Variants in PSMD14 observed in about 807,000 individuals in gnomAD.
The protein encoded by PSMD14 is proteasome 26S subunit, non-ATPase 14.
A neutral mutation model predicts 41.2 loss-of-function variants in PSMD14; 7 were observed. That is an observed-to-expected ratio of 0.17 (90% CI 0.10 to 0.32). The LOEUF is 0.32. PSMD14 is among the 10% of genes least tolerant of loss of function. The pLI is 1.00. For synonymous variants in PSMD14, 114 were observed against 122.3 expected, an observed-to-expected ratio of 0.93 and a Z score of 0.45; for missense variants, 139 against 375.6, an observed-to-expected ratio of 0.37 and a Z score of 5.21.
rs1291061341 is a variant in PSMD14, at chr2:161,327,977, TGTGTGTGA to T, written c.48+9106_48+9113del. On this transcript the variant is annotated intron_variant, in intron 3 of 11. Transcript: ENST00000409682. ...GTGTGTGTGTGTGTGTGTGTGTGTGTGTGTGTGAGATGTTGGTTAGGAATTATAGCTCA... is the reference window on the plus strand; with the variant it reads ...GTGTGTGTGTGTGTGTGTGTGTGTGTGATGTTGGTTAGGAATTATAGCTCA... Among the ~76,000 whole-genome samples, 5 of 148,540 alleles carry T rather than the reference TGTGTGTGA, an allele frequency of 3.4e-5. No individual in the cohort carries two copies. The East Asian group carries it at 5.9e-4, about 18-fold the overall frequency.
rs536735733 is a variant in PSMD14 at position 161,359,935 on chromosome 2, T to C, written c.49-7543T>C. ...TGTATATTTGATTACCTCACAAGCTTCTCGAAGCTTTTGTTTAACCACACA... is the reference window on the plus strand; with the variant it reads ...TGTATATTTGATTACCTCACAAGCTCCTCGAAGCTTTTGTTTAACCACACA... On this transcript the variant is annotated intron_variant, in intron 3 of 11. Coordinates refer to ENST00000409682, the MANE Select transcript of PSMD14 (RefSeq NM_005805.6). 2.6e-5 allele frequency among the ~76,000 whole-genome samples: 4 copies of C among 152,314 alleles called. No homozygotes were observed. In the South Asian group the frequency reaches 6.2e-4, roughly 24 times the overall value.
At chr2:161,354,143 G>A (rs1683159139) in intron 3 of PSMD14, among the ~76,000 whole-genome samples, 1 of 151,894 alleles carries the variant, frequency 6.6e-6, no homozygotes, top group Admixed American at 6.6e-5. Context: ...CTTGATTCTG[G>A]GCCCCTCTTT....
chr2:161,334,995 A>G (rs890914422), intron 3 of PSMD14, among the ~76,000 whole-genome samples: 6 of 152,262 alleles, frequency 3.9e-5, no homozygotes, highest in Non-Finnish European at 8.8e-5. Context: ...GGTCAGCAGT[A>G]TTTCTAGGAA....
intron 3 of PSMD14, chr2:161,319,157 A>AT (rs1689175800): frequency 3.4e-6 from 1 of 295,124 alleles, no homozygotes. Context: ...AGGAAAAAAA[A>AT]ACCCTCAAAA....
chr2:161,405,644 C>T (rs999309888), intron 10 of PSMD14, among the ~76,000 whole-genome samples: 2 of 151,956 alleles, frequency 1.3e-5, no homozygotes, highest in African/African-American at 4.8e-5. Flanking sequence ...TTTATATAGT[C>T]AATACTTTAA....
intron 3 of PSMD14, among the ~76,000 whole-genome samples, chr2:161,322,368 A>G (rs1257434031): frequency 6.6e-6 from 1 of 152,042 alleles, no homozygotes; most frequent in East Asian, 1.9e-4. Flanking sequence ...GCTTTGCTCT[A>G]TATGCTAATT....
intron 3 of PSMD14, among the ~76,000 whole-genome samples, chr2:161,332,206 A>G (rs1207932292): frequency 6.6e-6 from 1 of 152,210 alleles, no homozygotes; most frequent in Non-Finnish European, 1.5e-5. Context: ...GGAATTTGTG[A>G]ATATTTCATT....
At position 161,318,837 on chromosome 2, in the gene PSMD14, T is replaced by C; in HGVS notation, c.12T>C (p.Leu4=). The C allele has an allele frequency of 6.2e-7, 1 of 1,613,028 alleles. No homozygotes were observed. Among genetic ancestry groups the C allele is most frequent in the South Asian group, 1.1e-5 (1 of 90,998 alleles). The part of the protein sequence containing the change: MDR[L]LRLGGGMPGL... ...TGTTTTCTAGAAATATGGACAGACT[T>C]CTTAGACTTGGAGGAGGTATGCCTG... is the stretch of plus-strand genomic sequence containing the variant. Residue 4 remains leucine (L), a synonymous_variant, in exon 3 of 12, where the codon CTT becomes CTC. Coordinates refer to ENST00000409682, the MANE Select transcript of PSMD14 (RefSeq NM_005805.6).
chr2:161,318,910 A>T (rs1689173672), intron 3 of PSMD14, 37 bp downstream of exon 3: 1 of 1,553,736 alleles, frequency 6.4e-7, no homozygotes, highest in Non-Finnish European at 8.8e-7. Flanking sequence ...CCTTGTGTGT[A>T]AACTACAAGC....
At chr2:161,362,054 G>A (rs1333222060) in intron 3 of PSMD14, among the ~76,000 whole-genome samples, 1 of 151,838 alleles carries the variant, frequency 6.6e-6, no homozygotes, top group Non-Finnish European at 1.5e-5. Flanking sequence ...TGTGTACATT[G>A]CTTTTTAATT....
chr2:161,376,293 C>A (rs901427831), intron 7 of PSMD14, among the ~76,000 whole-genome samples: 1 of 151,450 alleles, frequency 6.6e-6, no homozygotes, highest in Non-Finnish European at 1.5e-5. Flanking sequence ...AATCTTAGTA[C>A]CTATTTCATA....
intron 1 of PSMD14, among the ~76,000 whole-genome samples, chr2:161,309,263 C>T (rs1689060536): frequency 6.6e-6 from 1 of 152,034 alleles, no homozygotes; most frequent in Non-Finnish European, 1.5e-5. Flanking sequence ...CTTAATTTTC[C>T]TGGGGATGTA....
chr2:161,309,154 A>T (rs1689059191), intron 1 of PSMD14, among the ~76,000 whole-genome samples: 1 of 152,226 alleles, frequency 6.6e-6, no homozygotes, highest in Non-Finnish European at 1.5e-5. Context: ...CTGTTAACTT[A>T]CTTTCAATAT....
At chr2:161,318,326 A>G (rs77276341) in intron 2 of PSMD14, among the ~76,000 whole-genome samples, 8,792 of 152,182 alleles carry the variant, frequency 0.058, 361 homozygotes, top group Non-Finnish European at 0.079. Flanking sequence ...TCTGCTCACA[A>G]TGTCTTTCAC....
At chr2:161,368,841 A>T (rs892209229) in intron 5 of PSMD14, among the ~76,000 whole-genome samples, 2 of 151,162 alleles carry the variant, frequency 1.3e-5, no homozygotes, top group African/African-American at 2.4e-5. Flanking sequence ...TAATATATAT[A>T]GTATGTATAT....
rs547053133 is a variant in PSMD14, at chr2:161,313,462, A to G, written c.-137-2975A>G. Among the ~76,000 whole-genome samples, 424 of 152,064 alleles carry G rather than the reference A, an allele frequency of 2.8e-3. 1 individual carries two copies. The highest frequency in any genetic ancestry group is 5.0e-3 in the Non-Finnish European group (341 of 67,962). ...CCTCCTGGGTTCAAGTGGTCCTCCT[A>G]CCTCAGCCTCCCCAGTAGCTGGGAT... On this transcript the variant is annotated intron_variant, in intron 1 of 11. Coordinates refer to ENST00000409682, the MANE Select transcript of PSMD14 (RefSeq NM_005805.6).
chr2:161,376,831 G>C (rs1683509397), intron 7 of PSMD14, among the ~76,000 whole-genome samples: 1 of 151,860 alleles, frequency 6.6e-6, no homozygotes, highest in Admixed American at 6.6e-5. Flanking sequence ...CGTTGCAATA[G>C]TTTTTTAATA....
At position 161,323,334 on chromosome 2, in the gene PSMD14, C is replaced by G. The variant is rs187212443; in HGVS notation, c.48+4461C>G. On this transcript the variant is annotated intron_variant, in intron 3 of 11. Coordinates refer to ENST00000409682, the MANE Select transcript of PSMD14 (RefSeq NM_005805.6). ...CATTACGGTGTCCATTCCTACAAAACAACTAAGTTTTATTTTTTTTAATAT... is the reference window on the plus strand; with the variant it reads ...CATTACGGTGTCCATTCCTACAAAAGAACTAAGTTTTATTTTTTTTAATAT... Among the ~76,000 whole-genome samples the G allele has an allele frequency of 9.9e-5, 15 of 152,216 alleles. No individual in the cohort carries two copies. In the East Asian group the frequency reaches 2.9e-3, roughly 29 times the overall value.
intron 3 of PSMD14, among the ~76,000 whole-genome samples, chr2:161,320,044 A>T (rs1375037912): frequency 6.6e-6 from 1 of 152,146 alleles, no homozygotes; most frequent in Admixed American, 6.5e-5. Context: ...TTTGAACTTG[A>T]TCCTGAACCT....
Sources: gnomAD v4.1 joint callset for allele counts (sites outside exome capture counted in the v4.1 genomes callset) on GRCh38, gnomAD v4.1.1 for gene constraint, MANE v1.5 for transcripts, NCBI Gene and HGNC (gene_info 2026-07-23, HGNC 2026-07-21) for gene names.